KIAA1549: variants seen among roughly 807,000 people sequenced by gnomAD.
The protein encoded by KIAA1549 is KIAA1549, also known as UPF0606 protein KIAA1549.
A neutral mutation model predicts 156.4 loss-of-function variants in KIAA1549; 70 were observed. That is an observed-to-expected ratio of 0.45 (90% confidence interval 0.37 to 0.55). KIAA1549 has a LOEUF of 0.55. Ranked by LOEUF, KIAA1549 falls within the 20% of genes least tolerant of loss-of-function variation. KIAA1549 has a pLI of 0.00. For synonymous variants in KIAA1549, 1,103 were observed against 1,066.4 expected (o/e 1.03, Z -0.67); for missense variants, 2,428 against 2,540.9 (o/e 0.96, Z 0.96).
chr7:138,902,759 A>T (rs540850939), intron 8 of KIAA1549, among the ~76,000 whole-genome samples: 25 of 152,242 alleles, frequency 1.6e-4, no homozygotes, highest in African/African-American at 5.8e-4. Flanking sequence ...TAGTGAGCTG[A>T]GATCATGCCA....
chr7:138,880,952 A>C (rs1811224106), intron 11 of KIAA1549, among the ~76,000 whole-genome samples: 1 of 152,176 alleles, frequency 6.6e-6, no homozygotes, highest in Non-Finnish European at 1.5e-5. Context: ...AAAGCAATGA[A>C]GTCACAGCAG....
Position 138,894,364 on chromosome 7 carries a change from G to A in KIAA1549, c.4010C>T (p.Ala1337Val). 6.2e-7 allele frequency: 1 copy of A among 1,613,912 alleles called. No individual in the cohort carries two copies. The highest frequency in any genetic ancestry group is 8.5e-7 in the Non-Finnish European group (1 of 1,179,868). The change falls in exon 10 of 20, where the codon GCC (alanine) becomes GTC (valine). Residue 1337 changes from alanine (A) to valine (V), a missense_variant. Physicochemically the swap from Ala to Val is moderately conservative, Grantham distance 64. Transcript: ENST00000422774. ...TACCTTCTGACGCTGCTGAATGTTG[G>A]CCACAGTGTCAGGCTGAAAGTCTAG... is the stretch of plus-strand genomic sequence containing the variant. ...DKLDFQPDTV[A>V]NIQQRQKLQI...
intron 19 of KIAA1549, 89 bp from the exon 20 acceptor site, chr7:138,838,249 C>A (rs1809805631): frequency 7.5e-7 from 1 of 1,339,734 alleles, no homozygotes; most frequent in Non-Finnish European, 9.9e-7. Context: ...GTTCCCAGGA[C>A]TGCCCACGTC....
rs1372799570 is a variant in KIAA1549, at chr7:138,917,182, A to C, written c.2444T>G (p.Ile815Ser). Residue 815 changes from isoleucine to serine, a missense_variant, in exon 2 of 20, where the codon ATC becomes AGC. Physicochemically the swap from Ile to Ser is moderately radical, Grantham distance 142. This residue lies in a region of KIAA1549 where 762 missense variants were observed against 901.6 expected (regional missense o/e 0.85). Coordinates refer to ENST00000422774, the MANE Select transcript of KIAA1549 (RefSeq NM_001164665.2). Reference protein sequence around the residue: ...FSTLTPPDDQISALDGHVSVL... With the variant: ...FSTLTPPDDQSSALDGHVSVL... ...AGACACGTGACCGTCTAGAGCACTG[A>C]TTTGGTCGTCAGGAGGTGTCAGAGT... 6 of 1,613,834 alleles carry C rather than the reference A, an allele frequency of 3.7e-6. No homozygotes were observed. Among genetic ancestry groups the C allele is most frequent in the Non-Finnish European group, 5.1e-6 (6 of 1,179,894 alleles).
rs1237945841 is a variant in KIAA1549, at chr7:138,835,865, C to T, written c.*2041G>A. The stretch of plus-strand genomic sequence containing the variant: ...GATCGCCTGATAAGATGCTGCTGGT[C>T]CTTTGTTGAACGTCCTTGAGAGACT... On this transcript the variant is annotated 3_prime_UTR_variant, in exon 20 of 20. Transcript: ENST00000422774. 1 of 220,792 alleles carries T rather than the reference C, an allele frequency of 4.5e-6. No homozygotes were observed. The highest frequency in any genetic ancestry group is 2.2e-5 in the African/African-American group (1 of 44,654). 13.7% of individuals were successfully genotyped at this position (220,792 alleles called of 1,614,324 possible).
intron 1 of KIAA1549, among the ~76,000 whole-genome samples, chr7:138,936,538 G>A (rs1813015144): frequency 1.3e-5 from 2 of 152,194 alleles, no homozygotes; most frequent in Admixed American, 6.5e-5. Context: ...GACATTGCCT[G>A]CTTCTTCGCT....
chr7:138,871,261 G>T lies in KIAA1549; in HGVS notation c.4447C>A (p.Pro1483Thr). The T allele has an allele frequency of 6.2e-7, 1 of 1,612,268 alleles. No individual in the cohort carries two copies. Among genetic ancestry groups the T allele is most frequent in the Non-Finnish European group, 8.5e-7 (1 of 1,179,314 alleles). ...SRPPEASRRV[P>T]SKIQLIAMQP... ...ATGGCGATAAGCTGGATCTTACTGG[G>T]GACCCGCCGGCTAGCCTCCGGGGGG... Residue 1483 changes from proline to threonine, a missense_variant, in exon 13 of 20, where the codon CCC becomes ACC. By Grantham distance (38) the Pro-to-Thr change is conservative. Around this residue, in one of 5 missense-constraint regions of KIAA1549, gnomAD observed 404 missense variants for 417.0 expected, o/e 0.97. Transcript: ENST00000422774.
At chr7:138,863,676 C>A (rs1024737238) in intron 15 of KIAA1549, among the ~76,000 whole-genome samples, 2 of 152,194 alleles carry the variant, frequency 1.3e-5, no homozygotes, top group African/African-American at 4.8e-5. Flanking sequence ...TCACGCAACA[C>A]AGAAACCACC....
In KIAA1549 at chr7:138,919,000, G is replaced by A; in HGVS notation, c.626C>T (p.Thr209Ile). ...TCGCGTTGTGTTCTGCCAGCCCGAT[G>A]TCACTTCTTCATCTTGTAAAGAAAC... ...PMVSLQDEEVTSGWQNTTRQP... is the reference protein window; with the variant it reads ...PMVSLQDEEVISGWQNTTRQP... Residue 209 changes from threonine (T) to isoleucine (I), a missense_variant, in exon 2 of 20, where the codon ACA (threonine) becomes ATA (isoleucine). Thr to Ile is a moderately conservative substitution (Grantham distance 89). This residue lies in a region of KIAA1549 where 893 missense variants were observed against 847.9 expected (regional missense o/e 1.05). Coordinates refer to ENST00000422774, the MANE Select transcript of KIAA1549 (RefSeq NM_001164665.2). This position sits in a 1 kb window ranked among gnomAD's most constrained non-coding sequence, Gnocchi z 4.2. 2 of 1,614,014 alleles carry A rather than the reference G, an allele frequency of 1.2e-6. No individual in the cohort carries two copies. The highest frequency in any genetic ancestry group is 1.6e-4 in the Middle Eastern group (1 of 6,062).
At chr7:138,871,683 A>G (rs1221862116) in intron 12 of KIAA1549, among the ~76,000 whole-genome samples, 2 of 152,274 alleles carry the variant, frequency 1.3e-5, no homozygotes, top group Non-Finnish European at 2.9e-5. Context: ...GGACAGAAGG[A>G]GCCTGAAGTT....
At chr7:138,888,657 G>A (rs766400246) in intron 10 of KIAA1549, among the ~76,000 whole-genome samples, 14 of 152,160 alleles carry the variant, frequency 9.2e-5, no homozygotes, top group African/African-American at 1.2e-4. Flanking sequence ...GCAAATCATT[G>A]ATGTATGTAT....
rs1208656825 is a variant in KIAA1549 at position 138,917,390 on chromosome 7, A to C, written c.2236T>G (p.Ser746Ala). ...TAGGAGGTAGTTTCAATGAAAGCTG[A>C]GGTAAAATGAGCTTCTGAATCCGTC... ...SLTDSEAHFT[S>A]AFIETTSYLE... The change falls in exon 2 of 20, where the codon TCA (serine) becomes GCA (alanine). Residue 746 changes from serine (S) to alanine (A), a missense_variant. Physicochemically the swap from Ser to Ala is moderately conservative, Grantham distance 99 (BLOSUM62 1). Around this residue, in one of 5 missense-constraint regions of KIAA1549, gnomAD observed 762 missense variants for 901.6 expected, o/e 0.85. Transcript: ENST00000422774. The C allele has an allele frequency of 6.2e-7, 1 of 1,613,964 alleles. No homozygotes were observed. Among genetic ancestry groups the C allele is most frequent in the Non-Finnish European group, 8.5e-7 (1 of 1,179,856 alleles).
Position 138,881,445 on chromosome 7 carries a change from C to T in KIAA1549, c.4172G>A (p.Gly1391Glu), listed in dbSNP as rs747635623. ...LKDHTTPSENGDVPSPKSKIP... is the reference protein window; with the variant it reads ...LKDHTTPSENEDVPSPKSKIP... ...CTTTGACTTGGGGCTTGGCACGTCT[C>T]CATTTTCCGAGGGCGTGGTGTGGTC... The change falls in exon 11 of 20, where the codon GGA becomes GAA. Residue 1391 changes from glycine to glutamate, a missense_variant. This residue lies in a region of KIAA1549 where 404 missense variants were observed against 417.0 expected (regional missense o/e 0.97). Coordinates refer to ENST00000422774, the MANE Select transcript of KIAA1549 (RefSeq NM_001164665.2). 1 of 1,614,034 alleles carries T rather than the reference C, an allele frequency of 6.2e-7. No individual in the cohort carries two copies. The highest frequency in any genetic ancestry group is 8.5e-7 in the Non-Finnish European group (1 of 1,179,896).
intron 1 of KIAA1549, among the ~76,000 whole-genome samples, chr7:138,923,327 G>A (rs1161698422): frequency 3.9e-5 from 6 of 152,196 alleles, no homozygotes; most frequent in Non-Finnish European, 7.3e-5. Flanking sequence ...AAGGCCAGAC[G>A]TGGTGGCTCA....
intron 9 of KIAA1549, among the ~76,000 whole-genome samples, chr7:138,898,311 A>AC (rs1488989731): frequency 6.6e-6 from 1 of 151,754 alleles, no homozygotes; most frequent in Non-Finnish European, 1.5e-5. Flanking sequence ...ATCTCAAAAA[A>AC]AAAAAAAAAA....
rs534004542 is a variant in KIAA1549 at position 138,909,104 on chromosome 7, G to A, written c.3163C>T (p.Pro1055Ser). 82 of 1,613,564 alleles carry A rather than the reference G, an allele frequency of 5.1e-5. 2 individuals carry two copies. In the South Asian group the frequency reaches 8.6e-4, roughly 17 times the overall value. ...QVQTVLQFVP[P>S]SVDTGFCNFT... is the part of the protein sequence containing the mutation. ...TTGCAGAAGCCAGTATCCACACTCG[G>A]AGGCACAAACTGAAGTACTGAAAAG... The change falls in exon 5 of 20, where the codon CCG becomes TCG. Residue 1055 changes from proline (P) to serine (S), a missense_variant. Pro to Ser is a moderately conservative substitution (Grantham distance 74). Coordinates refer to ENST00000422774, the MANE Select transcript of KIAA1549 (RefSeq NM_001164665.2).
rs758590121 is a variant in KIAA1549, at chr7:138,935,326, A to G, written c.188-15888T>C. Among the ~76,000 whole-genome samples the G allele has an allele frequency of 2.0e-5, 3 of 152,236 alleles. 1 individual carries two copies. The South Asian group carries it at 6.2e-4, about 32-fold the overall frequency. On this transcript the variant is annotated intron_variant, in intron 1 of 19. Transcript: ENST00000422774. ...GTTGGTTTAATTGAAGGCAAGGTCC[A>G]GAGTATTTACCAAAAGATATTCTGT...
rs749938588 is a variant in KIAA1549, at chr7:138,832,191, C to CTTTTTTTTTTTTTTTT, written c.*5699_*5714dup. On this transcript the variant is annotated 3_prime_UTR_variant, in exon 20 of 20. Coordinates refer to ENST00000422774, the MANE Select transcript of KIAA1549 (RefSeq NM_001164665.2). ...TCACCTCTGTCCCTTTTACCTATTC[C>CTTTTTTTTTTTTTTTT]TTTTTTTTTTTTTTTTTTTTCCAGA... 267 of 143,742 alleles carry CTTTTTTTTTTTTTTTT rather than the reference C, an allele frequency of 1.9e-3. 8 individuals are homozygous for CTTTTTTTTTTTTTTTT. The highest frequency in any genetic ancestry group is 8.6e-3 in the African/African-American group (258 of 29,992). The allele number at this position is 143,742 out of a possible 1,614,324, so 8.9% of individuals were successfully genotyped here. A position where few individuals can be genotyped will look rare whatever the true frequency, so the allele number is the denominator to read the frequency against.
intron 1 of KIAA1549, among the ~76,000 whole-genome samples, chr7:138,943,722 A>G (rs971869519): frequency 9.2e-5 from 14 of 151,828 alleles, no homozygotes; most frequent in African/African-American, 2.9e-4. Flanking sequence ...AGTGGCGGGC[A>G]CCTGTAGTCC....
Sources: gnomAD v4.1 joint callset for allele counts (sites outside exome capture counted in the v4.1 genomes callset) on GRCh38, gnomAD v4.1.1 for gene constraint, gnomAD v4.1.1 regional missense constraint, Gnocchi (gnomAD v3.1) non-coding constraint, MANE v1.5 for transcripts, NCBI Gene and HGNC (gene_info 2026-07-23, HGNC 2026-07-21) for gene names.